The following KAZN variants were observed in gnomAD, a reference collection of about 807,000 sequenced individuals.
KAZN encodes the protein kazrin.
A neutral mutation model predicts 87.4 loss-of-function variants in KAZN; 40 were observed. The ratio of observed to expected loss-of-function variants is 0.46; its 90% CI spans 0.36 to 0.60. The LOEUF is 0.60. Ranked by LOEUF, KAZN falls within the 20% of genes least tolerant of loss-of-function variation. KAZN has a pLI of 0.00. For synonymous variants in KAZN, 466 were observed against 458.3 expected, an observed-to-expected ratio of 1.02 and a Z score of -0.22; for missense variants, 898 against 1,073.9, an observed-to-expected ratio of 0.84 and a Z score of 2.29.
At chr1:13,991,653 T>C (rs1342035320) in intron 1 of KAZN, among the ~76,000 whole-genome samples, 1 of 152,168 alleles carries the variant, frequency 6.6e-6, no homozygotes, top group African/African-American at 2.4e-5. Context: ...GTTTAACTAC[T>C]GGCTCACAAA....
chr1:14,246,224 C>T (rs558994466), intron 2 of KAZN, among the ~76,000 whole-genome samples: 8 of 152,144 alleles, frequency 5.3e-5, no homozygotes, highest in Non-Finnish European at 8.8e-5. Context: ...TAATGCATGC[C>T]GGGCTTAATA....
intron 2 of KAZN, among the ~76,000 whole-genome samples, chr1:14,968,607 C>T (rs1664707525): frequency 1.3e-5 from 2 of 152,204 alleles, no homozygotes; most frequent in African/African-American, 2.4e-5. Flanking sequence ...CCTTTAGAAA[C>T]GCCTGCAGGG....
chr1:15,043,875 C>G (rs533580879), intron 3 of KAZN, 114 bp from the exon 4 acceptor site: 161 of 1,062,866 alleles, frequency 1.5e-4, no homozygotes, highest in Non-Finnish European at 2.1e-4. Flanking sequence ...AATCTCCTGA[C>G]CTCGTGACCC....
chr1:14,569,082 A>G (rs538671382), intron 2 of KAZN, among the ~76,000 whole-genome samples: 1 of 152,314 alleles, frequency 6.6e-6, no homozygotes, highest in South Asian at 2.1e-4. Flanking sequence ...TCCCAGATGA[A>G]CTTCTGACAG....
chr1:15,001,680 C>T (rs1054902796), intron 2 of KAZN, among the ~76,000 whole-genome samples: 5 of 152,004 alleles, frequency 3.3e-5, no homozygotes, highest in Admixed American at 6.6e-5. Flanking sequence ...AGCTTGAACA[C>T]GTGCCTCCTT....
chr1:14,398,792 G>A (rs1663122910), intron 2 of KAZN, among the ~76,000 whole-genome samples: 1 of 152,190 alleles, frequency 6.6e-6, no homozygotes, highest in Non-Finnish European at 1.5e-5. Flanking sequence ...CAACCCAGAA[G>A]ACTCCAGACC....
chr1:14,878,087 C>A (rs572626199), intron 1 of KAZN, among the ~76,000 whole-genome samples: 2 of 152,260 alleles, frequency 1.3e-5, no homozygotes, highest in Admixed American at 1.3e-4. Context: ...AGCTCTCCGA[C>A]ATATTGGCTG....
chr1:14,476,885 A>C (rs1000812067), intron 2 of KAZN, among the ~76,000 whole-genome samples: 1 of 152,156 alleles, frequency 6.6e-6, no homozygotes, highest in Non-Finnish European at 1.5e-5. Context: ...TTCTCCGACT[A>C]TACCAAGCTT....
chr1:13,991,928 C>A (rs1196544871), intron 1 of KAZN, among the ~76,000 whole-genome samples: 3 of 152,160 alleles, frequency 2.0e-5, no homozygotes, highest in African/African-American at 7.2e-5. Flanking sequence ...CAGTCTGTCT[C>A]CGTCTTTATC....
intron 1 of KAZN, chr1:14,929,929 G>C: frequency 6.1e-6 from 6 of 985,502 alleles, no homozygotes; most frequent in Non-Finnish European, 7.2e-6. Context: ...AGAGAGGCCA[G>C]TTAGAGGATA....
chr1:14,022,633 T>C (rs1271509459), intron 1 of KAZN, among the ~76,000 whole-genome samples: 4 of 152,144 alleles, frequency 2.6e-5, no homozygotes, highest in Non-Finnish European at 4.4e-5. Context: ...CTGTTTGTAT[T>C]TGAAGACCAA....
intron 1 of KAZN, among the ~76,000 whole-genome samples, chr1:14,033,048 G>T (rs1307635555): frequency 6.6e-6 from 1 of 152,120 alleles, no homozygotes; most frequent in East Asian, 1.9e-4. Context: ...TCCTCTGTCT[G>T]CCTAACCCTG....
chr1:14,575,929 T>C (rs1675151055), intron 2 of KAZN, among the ~76,000 whole-genome samples: 1 of 152,174 alleles, frequency 6.6e-6, no homozygotes, highest in Non-Finnish European at 1.5e-5. Flanking sequence ...CACGTAAGAA[T>C]AAAAATGCAT....
intron 1 of KAZN, among the ~76,000 whole-genome samples, chr1:14,827,680 G>A (rs368155947): frequency 3.3e-5 from 5 of 152,166 alleles, no homozygotes; most frequent in Non-Finnish European, 7.3e-5. Flanking sequence ...GTAAGCAGCC[G>A]CCACTGGCCC....
intron 2 of KAZN, among the ~76,000 whole-genome samples, chr1:14,384,522 T>C (rs1661687130): frequency 6.6e-6 from 1 of 152,208 alleles, no homozygotes; most frequent in Admixed American, 6.5e-5. Context: ...GTTTTTAGCA[T>C]GAAAGGTTGT....
chr1:14,520,662 C>G (rs1162267742), intron 2 of KAZN, among the ~76,000 whole-genome samples: 1 of 152,198 alleles, frequency 6.6e-6, no homozygotes, highest in Non-Finnish European at 1.5e-5. Context: ...AGGTTCGCCT[C>G]TGGAAGCAGC....
In KAZN at chr1:15,066,101, G is replaced by A; in HGVS notation, c.1222+348G>A. Reference sequence around the variant, plus strand: ...TAATCTGGTTTATTATTTTTCTTCAGTGTTTGGTTTTTCTTTTTCTTTTTG... The same window carrying A: ...TAATCTGGTTTATTATTTTTCTTCAATGTTTGGTTTTTCTTTTTCTTTTTG... On this transcript the variant is annotated intron_variant, in intron 8 of 14. Transcript: ENST00000376030. The surrounding 1 kb of genome is among the most constrained non-coding windows in gnomAD (Gnocchi z 4.3). The A allele has an allele frequency of 1.8e-6, 2 of 1,129,942 alleles. No homozygotes were observed. The highest frequency in any genetic ancestry group is 2.2e-6 in the Non-Finnish European group (2 of 922,988). 70.0% of individuals were successfully genotyped at this position (1,129,942 alleles called of 1,614,324 possible).
intron 1 of KAZN, among the ~76,000 whole-genome samples, chr1:14,126,657 A>G (rs530593517): frequency 1.3e-5 from 2 of 152,168 alleles, no homozygotes; most frequent in Non-Finnish European, 2.9e-5. Flanking sequence ...AAGGACAATC[A>G]GAGAGGTGAA....
At chr1:15,013,529 G>A (rs1364511296) in intron 2 of KAZN, among the ~76,000 whole-genome samples, 1 of 152,102 alleles carries the variant, frequency 6.6e-6, no homozygotes, top group Non-Finnish European at 1.5e-5. Context: ...CAAAGTGGGC[G>A]GATCACTTGA....
Sources: allele counts gnomAD v4.1 joint callset (sites outside exome capture counted in the v4.1 genomes callset), GRCh38; gene constraint gnomAD v4.1.1; non-coding constraint Gnocchi (gnomAD v3.1); transcripts MANE v1.5; gene names NCBI Gene and HGNC (gene_info 2026-07-23, HGNC 2026-07-21).